Variants in KCNK2 observed in about 807,000 individuals in gnomAD.
The protein encoded by KCNK2 is potassium channel subfamily K member 2.
A neutral mutation model predicts 40.5 loss-of-function variants in KCNK2; 21 were observed. That is an observed-to-expected ratio of 0.52 (90% confidence interval 0.37 to 0.75). The LOEUF is 0.75. KCNK2 is among the 30% of genes least tolerant of loss of function. The pLI, the probability that KCNK2 is intolerant of heterozygous loss-of-function variation, is 0.00. For synonymous variants in KCNK2, 191 were observed against 202.2 expected (o/e 0.94, Z 0.47); for missense variants, 399 against 531.6 (o/e 0.75, Z 2.45).
At chr1:215,230,974 T>A (rs1666637653) in intron 6 of KCNK2, among the ~76,000 whole-genome samples, 1 of 152,216 alleles carries the variant, frequency 6.6e-6, no homozygotes, top group Non-Finnish European at 1.5e-5. Context: ...GAGCTTTTCT[T>A]GCATTCAGCC....
intron 1 of KCNK2, among the ~76,000 whole-genome samples, chr1:215,072,169 A>G (rs1030539211): frequency 2.1e-4 from 32 of 152,122 alleles, no homozygotes; most frequent in African/African-American, 7.5e-4. Flanking sequence ...ATTGCATTTT[A>G]TTGTCGGTGT....
chr1:215,060,972 A>C (rs1658343795), intron 1 of KCNK2, among the ~76,000 whole-genome samples: 1 of 152,182 alleles, frequency 6.6e-6, no homozygotes. Flanking sequence ...GAAAACTTGG[A>C]TCACACAACT....
rs572253118 is a variant in KCNK2 at position 215,156,587 on chromosome 1, T to C, written c.476-12612T>C. ...TGTGGAACAAATATTTCTACTGTAT[T>C]AGTCCATTCTCATATGGCTATAATG... On this transcript the variant is annotated intron_variant, in intron 3 of 6. Transcript: ENST00000444842. Among the ~76,000 whole-genome samples the C allele has an allele frequency of 7.9e-4, 121 of 152,282 alleles. 2 individuals carry two copies. The highest frequency in any genetic ancestry group is 3.5e-3 in the South Asian group (17 of 4,832).
chr1:215,009,104 A>C (rs1323654451), intron 1 of KCNK2, among the ~76,000 whole-genome samples: 1 of 152,012 alleles, frequency 6.6e-6, no homozygotes, highest in Non-Finnish European at 1.5e-5. Flanking sequence ...TTTTTTTGAA[A>C]GTTTAAGGGC....
intron 6 of KCNK2, among the ~76,000 whole-genome samples, chr1:215,227,633 A>T (rs931412712): frequency 2.0e-5 from 3 of 152,186 alleles, no homozygotes; most frequent in Non-Finnish European, 4.4e-5. Flanking sequence ...TGTGTTCATT[A>T]CAGGGCAATT....
chr1:215,172,563 T>A (rs1663762493), intron 5 of KCNK2, among the ~76,000 whole-genome samples: 1 of 152,196 alleles, frequency 6.6e-6, no homozygotes, highest in African/African-American at 2.4e-5. Context: ...CTTATAAGCA[T>A]ACCAGTCAAA....
chr1:215,106,647 A>G (rs576132627), intron 2 of KCNK2, among the ~76,000 whole-genome samples: 150 of 152,228 alleles, frequency 9.9e-4, no homozygotes, highest in African/African-American at 3.3e-3. Context: ...GGACTTAGCC[A>G]CAAATTATTT....
intron 3 of KCNK2, among the ~76,000 whole-genome samples, chr1:215,125,913 C>T (rs1661414793): frequency 6.6e-6 from 1 of 151,404 alleles, no homozygotes; most frequent in Non-Finnish European, 1.5e-5. Context: ...GAAATGGGCT[C>T]ATCATAGTTA....
At chr1:215,032,647 C>G (rs114325450) in intron 1 of KCNK2, among the ~76,000 whole-genome samples, 1 of 152,002 alleles carries the variant, frequency 6.6e-6, no homozygotes, top group Non-Finnish European at 1.5e-5. Context: ...AATTTCCCAG[C>G]GTATGAAATT....
chr1:215,199,675 T>C (rs1665005247), intron 6 of KCNK2, among the ~76,000 whole-genome samples: 1 of 152,234 alleles, frequency 6.6e-6, no homozygotes, highest in Non-Finnish European at 1.5e-5. Context: ...TATGAAACTA[T>C]GTACTCTCTT....
intron 5 of KCNK2, among the ~76,000 whole-genome samples, chr1:215,174,953 C>T (rs1571695664): frequency 6.6e-6 from 1 of 152,184 alleles, no homozygotes; most frequent in East Asian, 1.9e-4. Flanking sequence ...ATTGAATACC[C>T]TTTATTTCTT....
chr1:215,120,922 T>C (rs1272535706), intron 2 of KCNK2, among the ~76,000 whole-genome samples: 1 of 152,232 alleles, frequency 6.6e-6, no homozygotes, highest in Non-Finnish European at 1.5e-5. Flanking sequence ...TTTTTTTGTT[T>C]GCTTGTTGTC....
At chr1:215,053,046 G>C (rs1407993475) in intron 1 of KCNK2, among the ~76,000 whole-genome samples, 2 of 152,008 alleles carry the variant, frequency 1.3e-5, no homozygotes, top group African/African-American at 4.8e-5. Flanking sequence ...GTTCTCACCT[G>C]CAGGTTTTTT....
chr1:215,063,096 C>A (rs1248354157), intron 1 of KCNK2, among the ~76,000 whole-genome samples: 1 of 152,006 alleles, frequency 6.6e-6, no homozygotes. Context: ...GGATTTGGGT[C>A]AAGGAGTGAG....
intron 1 of KCNK2, among the ~76,000 whole-genome samples, chr1:215,021,781 C>T (rs920292728): frequency 2.0e-5 from 3 of 151,932 alleles, no homozygotes; most frequent in Non-Finnish European, 4.4e-5. Context: ...ATCTCCTGAC[C>T]TCGTCATCCG....
chr1:215,016,283 T>C (rs948918397), intron 1 of KCNK2, among the ~76,000 whole-genome samples: 1 of 67,776 alleles, frequency 1.5e-5, no homozygotes, highest in African/African-American at 1.0e-4. Flanking sequence ...AGTTAAGAGA[T>C]ATAGAACACA....
At chr1:215,101,371 G>A (rs1040453082) in intron 2 of KCNK2, among the ~76,000 whole-genome samples, 2 of 151,934 alleles carry the variant, frequency 1.3e-5, no homozygotes, top group African/African-American at 4.8e-5. Context: ...ATTTAGATGA[G>A]GTTTGGATGA....
At chr1:215,121,049 T>C (rs1357296411) in intron 2 of KCNK2, among the ~76,000 whole-genome samples, 1 of 152,232 alleles carries the variant, frequency 6.6e-6, no homozygotes, top group African/African-American at 2.4e-5. Flanking sequence ...GTCATTATTC[T>C]TATTTAACTT....
intron 3 of KCNK2, among the ~76,000 whole-genome samples, chr1:215,137,076 T>C (rs531779300): frequency 1.3e-5 from 2 of 152,324 alleles, no homozygotes; most frequent in Admixed American, 6.5e-5. Context: ...GATGGTTTCA[T>C]CAGTGAAATT....
Sources: gnomAD v4.1 joint callset for allele counts (sites outside exome capture counted in the v4.1 genomes callset) on GRCh38, gnomAD v4.1.1 for gene constraint, MANE v1.5 for transcripts, NCBI Gene and HGNC (gene_info 2026-07-23, HGNC 2026-07-21) for gene names.